DMD: variants seen among roughly 807,000 people sequenced by gnomAD.
DMD encodes the protein dystrophin.
Under a neutral mutation model 330.1 loss-of-function variants are expected in DMD, and 63 were observed. That is an observed-to-expected ratio of 0.19 (90% CI 0.16 to 0.24). DMD has a LOEUF of 0.24. Ranked by LOEUF, DMD falls within the 10% of genes least tolerant of loss-of-function variation. The pLI is 1.00. For missense variants in DMD, 3,344 were observed against 2,684.1 expected (o/e 1.25, Z -5.43); for synonymous variants, 1,223 against 959.8 (o/e 1.27, Z -5.07).
intron 42 of DMD, among the ~76,000 whole-genome samples, chrX:32,297,484 A>G (rs2097502950): frequency 9.1e-6 from 1 of 110,250 alleles, no homozygotes. Flanking sequence ...TACGTTGGCC[A>G]GGCTGGTATT....
At chrX:32,732,363 C>G (rs1298906852) in intron 7 of DMD, among the ~76,000 whole-genome samples, 1 of 110,729 alleles carries the variant, frequency 9.0e-6, no homozygotes, top group Non-Finnish European at 1.9e-5. Flanking sequence ...GGAGAACTTC[C>G]CCAATCTAGC....
chrX:32,874,271 G>A (rs2083217267), intron 2 of DMD, among the ~76,000 whole-genome samples: 1 of 111,980 alleles, frequency 8.9e-6, no homozygotes, highest in Non-Finnish European at 1.9e-5. Flanking sequence ...TTTACAGAGA[G>A]CCAAAGTAAG....
intron 11 of DMD, among the ~76,000 whole-genome samples, chrX:32,616,067 T>C (rs958745413): frequency 1.8e-5 from 2 of 110,926 alleles, no homozygotes; most frequent in African/African-American, 6.5e-5. Flanking sequence ...TGGGGATTTG[T>C]CTGATTTTTT....
chrX:32,830,484 GTA>G (rs2079068869), intron 4 of DMD, among the ~76,000 whole-genome samples: 1 of 111,566 alleles, frequency 9.0e-6, no homozygotes, highest in South Asian at 3.7e-4. Context: ...CCTACTGTGT[GTA>G]TCAGTGTTGT....
intron 2 of DMD, among the ~76,000 whole-genome samples, chrX:32,914,604 T>C (rs1348151149): frequency 1.8e-5 from 2 of 112,082 alleles, no homozygotes; most frequent in African/African-American, 6.5e-5. Flanking sequence ...GAGGAGAATG[T>C]TCCTAGCAGC....
intron 28 of DMD, among the ~76,000 whole-genome samples, 183 bp downstream of exon 28, chrX:32,440,997 A>C (rs2098279595): frequency 9.0e-6 from 1 of 110,967 alleles, no homozygotes; most frequent in Admixed American, 9.6e-5. Flanking sequence ...CCCTTTGCAA[A>C]ATCTTGTGAC....
intron 44 of DMD, among the ~76,000 whole-genome samples, chrX:32,152,246 T>A (rs2096807297): frequency 1.8e-5 from 2 of 111,694 alleles, no homozygotes; most frequent in Admixed American, 1.9e-4. Flanking sequence ...TAGACAACTG[T>A]CGGAAATTGA....
chrX:31,329,936 A>G (rs1417933503), intron 61 of DMD, among the ~76,000 whole-genome samples: 24 of 87,409 alleles, frequency 2.7e-4, no homozygotes, highest in African/African-American at 1.1e-3. Flanking sequence ...GTGCCACTGC[A>G]CTCCAGCCTG....
At chrX:31,479,761 T>C (rs2068100089) in intron 57 of DMD, among the ~76,000 whole-genome samples, 1 of 112,301 alleles carries the variant, frequency 8.9e-6, no homozygotes, top group South Asian at 3.7e-4. Flanking sequence ...GAATTAATCT[T>C]TAATCTGTAA....
chrX:31,400,944 G>C (rs940257152), intron 60 of DMD, among the ~76,000 whole-genome samples: 3 of 111,566 alleles, frequency 2.7e-5, no homozygotes, highest in African/African-American at 6.5e-5. Context: ...TCAATATATA[G>C]AGATTTCAGG....
intron 2 of DMD, among the ~76,000 whole-genome samples, chrX:32,935,257 C>T (rs2089927318): frequency 8.9e-6 from 1 of 112,705 alleles, no homozygotes. Context: ...GGATTACAGG[C>T]GTGAGCCACC....
intron 59 of DMD, among the ~76,000 whole-genome samples, chrX:31,451,351 C>T (rs2065734292): frequency 1.0e-5 from 1 of 99,944 alleles, no homozygotes; most frequent in South Asian, 5.0e-4. Context: ...GGCACGATCT[C>T]GGCTCACTGC....
intron 1 of DMD, among the ~76,000 whole-genome samples, chrX:33,270,243 T>G (rs745330568): frequency 9.9e-4 from 110 of 111,307 alleles, no homozygotes; most frequent in African/African-American, 3.5e-3. Context: ...AATAGTCAGA[T>G]TTTTAAAACA....
In DMD at chrX:32,448,329, A is replaced by G. The variant is rs935270771; in HGVS notation, c.3786+127T>C. ...CAAATGGCCCAAAGTCATACAACTT[A>G]TAAGTGCCTGAATGAGGAATTCAAG... On this transcript the variant is annotated intron_variant, in intron 27 of 78. Coordinates refer to ENST00000357033, the MANE Select transcript of DMD (RefSeq NM_004006.3). 11 of 716,231 alleles carry G rather than the reference A, an allele frequency of 1.5e-5. No individual in the cohort carries two copies. The African/African-American group carries it at 2.3e-4, about 15-fold the overall frequency. The allele number at this position is 716,231 out of a possible 1,213,427, so 59.0% of individuals were successfully genotyped here.
At chrX:31,822,975 C>T (rs1162224462) in intron 49 of DMD, among the ~76,000 whole-genome samples, 1 of 105,393 alleles carries the variant, frequency 9.5e-6, no homozygotes, top group Non-Finnish European at 1.9e-5. Flanking sequence ...ACGCCCCTTC[C>T]CCTTCCTCTC....
At chrX:32,535,354 T>G (rs1381286902) in intron 17 of DMD, among the ~76,000 whole-genome samples, 2 of 111,809 alleles carry the variant, frequency 1.8e-5, no homozygotes, top group Non-Finnish European at 3.8e-5. Context: ...TCCTAATTGT[T>G]CATTTGGAGG....
chrX:31,566,058 G>T (rs1014821508), intron 55 of DMD, among the ~76,000 whole-genome samples: 2 of 111,264 alleles, frequency 1.8e-5, no homozygotes, highest in African/African-American at 6.5e-5. Flanking sequence ...CTATCAGTCT[G>T]TAGCTTGTCT....
intron 62 of DMD, among the ~76,000 whole-genome samples, chrX:31,273,674 CT>C (rs1263403473): frequency 1.5e-3 from 159 of 104,868 alleles, no homozygotes; most frequent in African/African-American, 2.5e-3. Context: ...CAGCGTTTTT[CT>C]TTTTTTTTTT....
chrX:32,798,253 A>T (rs2076315347), intron 7 of DMD, among the ~76,000 whole-genome samples: 1 of 112,216 alleles, frequency 8.9e-6, no homozygotes, highest in South Asian at 3.7e-4. Flanking sequence ...TCATCCAAAC[A>T]ACTGAAATGG....
Sources: gnomAD v4.1 joint callset for allele counts (sites outside exome capture counted in the v4.1 genomes callset) on GRCh38, gnomAD v4.1.1 for gene constraint, MANE v1.5 for transcripts, NCBI Gene and HGNC (gene_info 2026-07-23, HGNC 2026-07-21) for gene names.